The following RBFOX3 variants were observed in gnomAD, a reference collection of about 807,000 sequenced individuals.
The protein encoded by RBFOX3 is RNA binding fox-1 homolog 3.
A neutral mutation model predicts 48.7 loss-of-function variants in RBFOX3; 17 were observed. The ratio of observed to expected loss-of-function variants is 0.35; its 90% confidence interval spans 0.24 to 0.52. RBFOX3 has a LOEUF of 0.52. RBFOX3 is among the 20% of genes least tolerant of loss of function. The pLI is 0.94. For synonymous variants in RBFOX3, 212 were observed against 209.5 expected, an observed-to-expected ratio of 1.01 and a Z score of -0.10; for missense variants, 382 against 497.5, an observed-to-expected ratio of 0.77 and a Z score of 2.21.
chr17:79,455,651 ACATT>A (rs1421552543), intron 2 of RBFOX3, among the ~76,000 whole-genome samples: 2 of 152,142 alleles, frequency 1.3e-5, no homozygotes, highest in African/African-American at 2.4e-5. Context: ...ATCCACACAC[ACATT>A]CATTCACACA....
intron 3 of RBFOX3, among the ~76,000 whole-genome samples, chr17:79,283,900 C>A (rs889828197): frequency 1.5e-5 from 2 of 137,672 alleles, no homozygotes; most frequent in African/African-American, 5.2e-5. Flanking sequence ...AATGGAGATG[C>A]CTTCTCCAGG....
intron 4 of RBFOX3, among the ~76,000 whole-genome samples, chr17:79,179,516 T>C (rs942994764): frequency 6.6e-6 from 1 of 151,904 alleles, no homozygotes; most frequent in East Asian, 1.9e-4. Flanking sequence ...TCAGGGCCAG[T>C]CCCTCTCCCC....
chr17:79,529,640 C>G (rs2087388757), intron 1 of RBFOX3, among the ~76,000 whole-genome samples: 1 of 152,168 alleles, frequency 6.6e-6, no homozygotes, highest in Non-Finnish European at 1.5e-5. Flanking sequence ...GTAGAGGACA[C>G]AGTCTGTGGC....
At chr17:79,257,035 G>A (rs536406336) in intron 3 of RBFOX3, among the ~76,000 whole-genome samples, 5 of 152,288 alleles carry the variant, frequency 3.3e-5, no homozygotes, top group Admixed American at 6.5e-5. Flanking sequence ...GACTCCTGCT[G>A]TCTCTCCACC....
intron 1 of RBFOX3, among the ~76,000 whole-genome samples, chr17:79,580,661 T>G (rs1441080283): frequency 6.6e-6 from 1 of 152,184 alleles, no homozygotes; most frequent in Non-Finnish European, 1.5e-5. Flanking sequence ...GCTCATGCTA[T>G]GTTCCTATCA....
At chr17:79,314,966 A>C (rs1048899822) in intron 2 of RBFOX3, among the ~76,000 whole-genome samples, 3 of 152,010 alleles carry the variant, frequency 2.0e-5, no homozygotes, top group Admixed American at 2.0e-4. Context: ...TGTTAATTGC[A>C]GGTAGAGGAG....
intron 1 of RBFOX3, among the ~76,000 whole-genome samples, chr17:79,562,235 G>T (rs997584577): frequency 9.2e-5 from 14 of 152,184 alleles, no homozygotes; most frequent in Non-Finnish European, 2.1e-4. Context: ...TGGGAACCGG[G>T]AATGGAAGTC....
chr17:79,375,130 C>G (rs868138893), intron 2 of RBFOX3, among the ~76,000 whole-genome samples: 4 of 152,190 alleles, frequency 2.6e-5, no homozygotes, highest in Non-Finnish European at 5.9e-5. Flanking sequence ...GTGACATCCC[C>G]GGGAGCAGGA....
intron 4 of RBFOX3, among the ~76,000 whole-genome samples, chr17:79,168,584 G>A (rs1217878781): frequency 6.6e-6 from 1 of 152,232 alleles, no homozygotes; most frequent in Non-Finnish European, 1.5e-5. Context: ...AGGAAACTGA[G>A]GCTCTGAGGG....
the RBFOX3 span, among the ~76,000 whole-genome samples, chr17:79,656,352 A>G: frequency 3.3e-5 from 5 of 152,108 alleles, no homozygotes; most frequent in African/African-American, 9.7e-5. Flanking sequence ...GGTGGCTCAC[A>G]CCTGTAATCC....
intron 4 of RBFOX3, among the ~76,000 whole-genome samples, chr17:79,217,572 G>T (rs1401061228): frequency 6.6e-6 from 1 of 152,172 alleles, no homozygotes; most frequent in African/African-American, 2.4e-5. Flanking sequence ...GAGATGGAGG[G>T]GTGAATGGGT....
intron 4 of RBFOX3, among the ~76,000 whole-genome samples, chr17:79,201,484 A>G (rs925745391): frequency 6.6e-6 from 1 of 152,008 alleles, no homozygotes; most frequent in Non-Finnish European, 1.5e-5. Context: ...TGGGCTTCTC[A>G]AGTCTGCCTG....
At chr17:79,386,202 C>G (rs1460910134) in intron 2 of RBFOX3, among the ~76,000 whole-genome samples, 1 of 151,208 alleles carries the variant, frequency 6.6e-6, no homozygotes, top group African/African-American at 2.4e-5. Flanking sequence ...TCCAACACCT[C>G]CCATTAGAGA....
chr17:79,188,850 G>A (rs1489088189), intron 4 of RBFOX3, among the ~76,000 whole-genome samples: 2 of 152,228 alleles, frequency 1.3e-5, no homozygotes, highest in Admixed American at 6.5e-5. Flanking sequence ...TGGAAGCTGC[G>A]GCCCTGGAAA....
At chr17:79,494,338 C>A (rs1206639978) in intron 1 of RBFOX3, among the ~76,000 whole-genome samples, 1 of 152,114 alleles carries the variant, frequency 6.6e-6, no homozygotes, top group African/African-American at 2.4e-5. Flanking sequence ...GCTGACTGTC[C>A]CCCTCCACCC....
intron 4 of RBFOX3, among the ~76,000 whole-genome samples, chr17:79,117,512 C>A (rs569069423): frequency 6.6e-6 from 1 of 152,224 alleles, no homozygotes; most frequent in African/African-American, 2.4e-5. Flanking sequence ...CCCCGCAGGG[C>A]GGTCTTTCTC....
At chr17:79,152,754 G>C (rs1212516479) in intron 4 of RBFOX3, among the ~76,000 whole-genome samples, 1 of 152,232 alleles carries the variant, frequency 6.6e-6, no homozygotes, top group African/African-American at 2.4e-5. Context: ...CATAACAAAG[G>C]AGGCAGGGCC....
chr17:79,290,516 T>A (rs763742476), intron 3 of RBFOX3, among the ~76,000 whole-genome samples: 9 of 151,736 alleles, frequency 5.9e-5, no homozygotes, highest in Non-Finnish European at 1.2e-4. Flanking sequence ...GCCTGGGAAG[T>A]GGTTCAACAC....
At chr17:79,359,099 C>A (rs2085799092) in intron 2 of RBFOX3, among the ~76,000 whole-genome samples, 1 of 152,194 alleles carries the variant, frequency 6.6e-6, no homozygotes. Flanking sequence ...ATCCTCTCTA[C>A]AACTGTATTT....
Sources: allele counts gnomAD v4.1 joint callset (sites outside exome capture counted in the v4.1 genomes callset), GRCh38; gene constraint gnomAD v4.1.1; transcripts MANE v1.5; gene names NCBI Gene and HGNC (gene_info 2026-07-23, HGNC 2026-07-21).